Variants in ASTN2 observed in about 807,000 individuals in gnomAD.
ASTN2 encodes the protein astrotactin 2.
A neutral mutation model predicts 139.8 loss-of-function variants in ASTN2; 54 were observed. The ratio of observed to expected loss-of-function variants is 0.39; its 90% CI spans 0.31 to 0.48. The LOEUF (loss-of-function observed/expected upper bound fraction) is 0.48. Ranked by LOEUF, ASTN2 falls within the 20% of genes least tolerant of loss-of-function variation. The pLI is 0.95. For missense variants in ASTN2, 1,565 were observed against 1,725.1 expected (o/e 0.91, Z 1.64); for synonymous variants, 756 against 719.5 (o/e 1.05, Z -0.81).
intron 10 of ASTN2, among the ~76,000 whole-genome samples, chr9:116,934,868 C>A (rs1274442530): frequency 6.6e-6 from 1 of 151,984 alleles, no homozygotes; most frequent in African/African-American, 2.4e-5. Context: ...GTTTATATAC[C>A]CCCCTGTCCA....
At chr9:117,366,098 C>T (rs1029283208) in intron 1 of ASTN2, among the ~76,000 whole-genome samples, 1 of 152,088 alleles carries the variant, frequency 6.6e-6, no homozygotes, top group Admixed American at 6.6e-5. Flanking sequence ...TCTTGCAAAA[C>T]CTAGCACCGC....
intron 4 of ASTN2, among the ~76,000 whole-genome samples, chr9:117,127,278 G>T (rs1261805038): frequency 6.6e-6 from 1 of 152,184 alleles, no homozygotes; most frequent in Non-Finnish European, 1.5e-5. Flanking sequence ...AATCTGTGAA[G>T]GTTGCTCCGC....
At chr9:116,645,289 TG>T (rs1857534122) in intron 17 of ASTN2, among the ~76,000 whole-genome samples, 1 of 152,214 alleles carries the variant, frequency 6.6e-6, no homozygotes, top group African/African-American at 2.4e-5. Flanking sequence ...GGCTTTGGGC[TG>T]TGTAAGAGCC....
chr9:116,911,908 C>T (rs1193495789), intron 10 of ASTN2, among the ~76,000 whole-genome samples: 1 of 152,040 alleles, frequency 6.6e-6, no homozygotes, highest in African/African-American at 2.4e-5. Flanking sequence ...AACAAACAAA[C>T]AAACAAACAA....
rs748952234 is a variant in ASTN2 at position 116,698,458 on chromosome 9, G to C, written c.2806+27313C>G. On this transcript the variant is annotated intron_variant, in intron 16 of 22. Coordinates refer to ENST00000313400, the MANE Select transcript of ASTN2 (RefSeq NM_001365068.1). This position sits in a 1 kb window ranked among gnomAD's most constrained non-coding sequence, Gnocchi z 4.4. Reference sequence around the variant, plus strand: ...GCAGAGGTGCAGGCTGTGTCTCGCTGTGACTACTTCCTGGCCAAGATCAAG... The same window carrying C: ...GCAGAGGTGCAGGCTGTGTCTCGCTCTGACTACTTCCTGGCCAAGATCAAG... The C allele has an allele frequency of 6.2e-7, 1 of 1,614,038 alleles. No individual in the cohort carries two copies.
rs148262029 is a variant in ASTN2, at chr9:117,133,877, T to G, written c.1168+7449A>C. Among the ~76,000 whole-genome samples the G allele has an allele frequency of 6.5e-3, 985 of 152,086 alleles. 9 individuals are homozygous for G. The highest frequency in any genetic ancestry group is 0.022 in the African/African-American group (929 of 41,526). On this transcript the variant is annotated intron_variant, in intron 4 of 22. Coordinates refer to ENST00000313400, the MANE Select transcript of ASTN2 (RefSeq NM_001365068.1). ...TCAAGCTGCAAAAAGCGCATAGAGGTGGAGGTAAAAGGAGTTATTTCATCA... is the reference window on the plus strand; with the variant it reads ...TCAAGCTGCAAAAAGCGCATAGAGGGGGAGGTAAAAGGAGTTATTTCATCA...
chr9:117,406,574 A>T (rs1830995918), intron 1 of ASTN2, among the ~76,000 whole-genome samples: 1 of 151,994 alleles, frequency 6.6e-6, no homozygotes, highest in South Asian at 2.1e-4. Context: ...CCTAAGCTAG[A>T]TAATCAGCTA....
intron 10 of ASTN2, among the ~76,000 whole-genome samples, chr9:116,891,093 C>A (rs966670438): frequency 6.6e-6 from 1 of 152,114 alleles, no homozygotes; most frequent in Non-Finnish European, 1.5e-5. Context: ...CTAATGTATT[C>A]ATTGTTCAGT....
chr9:117,403,331 A>G (rs1830890681), intron 1 of ASTN2, among the ~76,000 whole-genome samples: 1 of 152,220 alleles, frequency 6.6e-6, no homozygotes, highest in South Asian at 2.1e-4. Context: ...GAGGAAAGGA[A>G]GCATTGAATA....
intron 7 of ASTN2, among the ~76,000 whole-genome samples, chr9:117,004,291 C>T (rs1050858990): frequency 1.3e-5 from 2 of 152,116 alleles, no homozygotes; most frequent in Admixed American, 6.5e-5. Flanking sequence ...GGCTAATTTT[C>T]GTATTTTTTT....
At chr9:117,184,676 C>T (rs898294953) in intron 3 of ASTN2, among the ~76,000 whole-genome samples, 3 of 152,148 alleles carry the variant, frequency 2.0e-5, no homozygotes, top group African/African-American at 7.2e-5. Flanking sequence ...AACCTCACCC[C>T]CTACATACAC....
intron 10 of ASTN2, among the ~76,000 whole-genome samples, chr9:116,897,163 A>C (rs1833898998): frequency 6.6e-6 from 1 of 152,236 alleles, no homozygotes; most frequent in Non-Finnish European, 1.5e-5. Flanking sequence ...GGTGCAGCGC[A>C]CTGAAGGTGC....
chr9:116,571,801 T>C (rs1853527924), intron 19 of ASTN2, among the ~76,000 whole-genome samples: 1 of 152,174 alleles, frequency 6.6e-6, no homozygotes, highest in Non-Finnish European at 1.5e-5. Flanking sequence ...TGTATGTGTC[T>C]GTGTGCTTCC....
intron 5 of ASTN2, among the ~76,000 whole-genome samples, chr9:117,040,424 G>A (rs1317308743): frequency 6.6e-6 from 1 of 152,158 alleles, no homozygotes; most frequent in Non-Finnish European, 1.5e-5. Context: ...CATTGGCTCT[G>A]TGATCTCCAT....
intron 16 of ASTN2, among the ~76,000 whole-genome samples, chr9:116,670,908 T>A (rs753393288): frequency 4.3e-4 from 65 of 152,290 alleles, no homozygotes; most frequent in Middle Eastern, 3.4e-3. Flanking sequence ...TGAACATAAA[T>A]GTATATGATA....
At chr9:116,833,447 T>C (rs75516673) in intron 11 of ASTN2, among the ~76,000 whole-genome samples, 1 of 151,952 alleles carries the variant, frequency 6.6e-6, no homozygotes, top group Non-Finnish European at 1.5e-5. Flanking sequence ...TTTTTTTTTT[T>C]TCTAGGTTCT....
At chr9:116,435,307 C>T (rs752093353) in intron 22 of ASTN2, among the ~76,000 whole-genome samples, 10 of 152,144 alleles carry the variant, frequency 6.6e-5, no homozygotes, top group Non-Finnish European at 1.2e-4. Flanking sequence ...AAGCATCTTA[C>T]CCTCTCTTAT....
chr9:117,276,514 T>A (rs1452629877), intron 2 of ASTN2, among the ~76,000 whole-genome samples: 3 of 152,176 alleles, frequency 2.0e-5, no homozygotes, highest in Non-Finnish European at 4.4e-5. Context: ...CACCAACATA[T>A]TTCACTCCCT....
intron 1 of ASTN2, among the ~76,000 whole-genome samples, chr9:117,400,979 A>T (rs1830812076): frequency 6.6e-6 from 1 of 152,078 alleles, no homozygotes; most frequent in African/African-American, 2.4e-5. Flanking sequence ...GCTGCAAAAG[A>T]GGTAGGGAGG....
Sources: gnomAD v4.1 joint callset for allele counts (sites outside exome capture counted in the v4.1 genomes callset) on GRCh38, gnomAD v4.1.1 for gene constraint, Gnocchi (gnomAD v3.1) non-coding constraint, MANE v1.5 for transcripts, NCBI Gene and HGNC (gene_info 2026-07-23, HGNC 2026-07-21) for gene names.